Variants in RAD51B observed in about 807,000 individuals in gnomAD.
The protein encoded by RAD51B is DNA repair protein RAD51 homolog 2.
A neutral mutation model predicts 42.2 loss-of-function variants in RAD51B; 38 were observed. The observed-to-expected ratio is 0.90, with a 90% CI of 0.70 to 1.18. RAD51B has a LOEUF of 1.18. Among genes scored for constraint, RAD51B ranks in the 50% most tolerant of loss-of-function variants. The pLI is 0.00. For missense variants in RAD51B, 373 were observed against 400.7 expected, an observed-to-expected ratio of 0.93 and a Z score of 0.59; for synonymous variants, 154 against 145.2, an observed-to-expected ratio of 1.06 and a Z score of -0.43.
intron 5 of RAD51B, among the ~76,000 whole-genome samples, chr14:67,869,045 G>A (rs923570725): frequency 1.7e-4 from 26 of 152,190 alleles, no homozygotes; most frequent in African/African-American, 6.3e-4. Flanking sequence ...TCCTCCAAAG[G>A]AACGCAGTTC....
At chr14:68,392,138 T>C (rs942904296) in intron 8 of RAD51B, among the ~76,000 whole-genome samples, 1 of 152,218 alleles carries the variant, frequency 6.6e-6, no homozygotes, top group African/African-American at 2.4e-5. Flanking sequence ...CTGGTTTTAA[T>C]TAACTTGAGG....
chr14:68,260,549 T>C (rs2080867410), intron 7 of RAD51B, among the ~76,000 whole-genome samples: 2 of 152,082 alleles, frequency 1.3e-5, no homozygotes, highest in South Asian at 2.1e-4. Flanking sequence ...AGAAGTATAG[T>C]TGGACAAAAA....
chr14:68,221,082 C>T (rs2079916633), intron 7 of RAD51B, among the ~76,000 whole-genome samples: 3 of 152,102 alleles, frequency 2.0e-5, no homozygotes, highest in African/African-American at 7.2e-5. Context: ...GAGCAGAGAT[C>T]ACGCCACTGC....
In RAD51B at chr14:67,834,568, C is replaced by T. The variant is rs147980581; in HGVS notation, c.199-512C>T. ...CTCATTGCTTGCTGTGCTACACCCA[C>T]ACTCCATCTTTCAACCATTCTAAAT... On this transcript the variant is annotated intron_variant, in intron 3 of 10. Coordinates refer to ENST00000471583, the MANE Select transcript of RAD51B (RefSeq NM_133510.4). Among the ~76,000 whole-genome samples, 14 of 152,270 alleles carry T rather than the reference C, an allele frequency of 9.2e-5. No individual in the cohort carries two copies. The East Asian group carries it at 2.7e-3, about 29-fold the overall frequency.
At chr14:68,279,063 A>G (rs1176380754) in intron 7 of RAD51B, among the ~76,000 whole-genome samples, 7 of 151,636 alleles carry the variant, frequency 4.6e-5, no homozygotes, top group Admixed American at 3.3e-4. Flanking sequence ...TGATGGTTCT[A>G]CTCTGTATGC....
intron 11 of RAD51B, among the ~76,000 whole-genome samples, chr14:68,666,156 A>G (rs1038043881): frequency 6.6e-6 from 1 of 152,074 alleles, no homozygotes; most frequent in Non-Finnish European, 1.5e-5. Flanking sequence ...TGTCACATGA[A>G]ACCTGACTCT....
At chr14:68,563,010 T>G (rs577865871) in intron 10 of RAD51B, 1 of 985,398 alleles carries the variant, frequency 1.0e-6, no homozygotes, top group South Asian at 4.7e-5. Context: ...AGTTCACGGC[T>G]GGGCATGATG....
intron 7 of RAD51B, among the ~76,000 whole-genome samples, chr14:68,023,246 A>G (rs1039383247): frequency 2.0e-5 from 3 of 152,200 alleles, no homozygotes; most frequent in African/African-American, 7.2e-5. Flanking sequence ...ACTTTCTACA[A>G]TGGCTGAACT....
At chr14:68,166,142 G>A (rs1290852372) in intron 7 of RAD51B, among the ~76,000 whole-genome samples, 1 of 150,130 alleles carries the variant, frequency 6.7e-6, no homozygotes, top group African/African-American at 2.5e-5. Flanking sequence ...ATGGCCTACT[G>A]GAAGACCAGG....
At chr14:68,094,035 C>G (rs1418443717) in intron 7 of RAD51B, among the ~76,000 whole-genome samples, 1 of 152,094 alleles carries the variant, frequency 6.6e-6, no homozygotes, top group African/African-American at 2.4e-5. Context: ...TCTCTTTTTT[C>G]CAAACTAATG....
intron 7 of RAD51B, among the ~76,000 whole-genome samples, chr14:68,117,105 C>T (rs1460488706): frequency 6.6e-6 from 1 of 152,118 alleles, no homozygotes; most frequent in Non-Finnish European, 1.5e-5. Flanking sequence ...TGACTTGCGC[C>T]TATATCATAG....
At chr14:68,018,550 T>C (rs2075814696) in intron 7 of RAD51B, among the ~76,000 whole-genome samples, 1 of 152,218 alleles carries the variant, frequency 6.6e-6, no homozygotes, top group African/African-American at 2.4e-5. Context: ...TCTATATTTT[T>C]ATGGGGGAGA....
intron 7 of RAD51B, among the ~76,000 whole-genome samples, chr14:68,133,821 T>C (rs1379164295): frequency 6.6e-6 from 1 of 152,166 alleles, no homozygotes; most frequent in African/African-American, 2.4e-5. Flanking sequence ...AGAAAACTTT[T>C]TTTTTTAAAT....
At chr14:68,530,217 G>T (rs2140347053) in intron 10 of RAD51B, among the ~76,000 whole-genome samples, 1 of 152,072 alleles carries the variant, frequency 6.6e-6, no homozygotes, top group South Asian at 2.1e-4. Flanking sequence ...GCAGAGGCAG[G>T]AGGATCTCTT....
At chr14:68,094,510 A>G (rs1433432568) in intron 7 of RAD51B, among the ~76,000 whole-genome samples, 1 of 152,264 alleles carries the variant, frequency 6.6e-6, no homozygotes, top group Admixed American at 6.5e-5. Flanking sequence ...ACACACATAT[A>G]TGTAAAACAA....
intron 8 of RAD51B, among the ~76,000 whole-genome samples, chr14:68,312,113 G>T (rs1318076911): frequency 4.0e-5 from 6 of 151,198 alleles, no homozygotes; most frequent in Non-Finnish European, 7.4e-5. Context: ...AGAAATGTGT[G>T]TTTTTTTTTG....
intron 11 of RAD51B, among the ~76,000 whole-genome samples, chr14:68,671,608 G>C (rs1015963765): frequency 6.6e-6 from 1 of 151,764 alleles, no homozygotes. Flanking sequence ...AGTTAACATT[G>C]CCCCTCCTGT....
intron 10 of RAD51B, among the ~76,000 whole-genome samples, chr14:68,570,895 ACATG>A (rs1889666929): frequency 1.8e-5 from 2 of 110,082 alleles, no homozygotes; most frequent in Non-Finnish European, 2.2e-5. Flanking sequence ...ACACACACAC[ACATG>A]CACACACACA....
intron 4 of RAD51B, among the ~76,000 whole-genome samples, chr14:67,842,141 T>G (rs1419182874): frequency 2.0e-5 from 3 of 152,208 alleles, no homozygotes; most frequent in African/African-American, 7.2e-5. Flanking sequence ...TTTATTTTTT[T>G]TGTGTAGCTA....
Sources: gnomAD v4.1 joint callset for allele counts (sites outside exome capture counted in the v4.1 genomes callset) on GRCh38, gnomAD v4.1.1 for gene constraint, MANE v1.5 for transcripts, NCBI Gene and HGNC (gene_info 2026-07-23, HGNC 2026-07-21) for gene names.